Variants in SLC9A7 observed in about 807,000 individuals in gnomAD.
SLC9A7 encodes sodium/hydrogen exchanger 7.
In SLC9A7, 19 loss-of-function variants were observed where a neutral mutation model predicts 52.6. The observed-to-expected ratio is 0.36, with a 90% confidence interval of 0.25 to 0.53. The LOEUF (loss-of-function observed/expected upper bound fraction) is 0.53, where lower values mean the gene tolerates loss of function less well. Ranked by LOEUF, SLC9A7 falls within the 20% of genes least tolerant of loss-of-function variation. SLC9A7 has a pLI of 0.91. For synonymous variants in SLC9A7, 226 were observed against 252.1 expected (o/e 0.90, Z 0.98); for missense variants, 455 against 597.9 (o/e 0.76, Z 2.49).
intron 1 of SLC9A7, among the ~76,000 whole-genome samples, chrX:46,737,393 C>T (rs1298615205): frequency 8.9e-6 from 1 of 112,287 alleles, no homozygotes; most frequent in African/African-American, 3.2e-5. Flanking sequence ...TCAACAGTAT[C>T]TGTCCCAAGT....
At position 46,631,639 on chromosome X, in the gene SLC9A7, C is replaced by T. The variant is rs376310663; in HGVS notation, c.1687G>A (p.Asp563Asn). ...HHWQYFRVGV[D>N]PDQDPPPNND... ...TTGGGTGGTGGGTCTTGATCGGGGT[C>T]AACACCAACTCTGAAAGTCACCAGG... is the stretch of plus-strand genomic sequence containing the variant. The change falls in exon 14 of 17, where the codon GAC (aspartate) becomes AAC (asparagine). Residue 563 changes from aspartate (D) to asparagine (N), a missense_variant. Physicochemically the swap from Asp to Asn is conservative, Grantham distance 23 (BLOSUM62 1). This residue lies in a region of SLC9A7 where 146 missense variants were observed against 160.5 expected (regional missense o/e 0.91). Coordinates refer to ENST00000616978, the MANE Select transcript of SLC9A7 (RefSeq NM_001257291.2). 3 of 1,205,538 alleles carry T rather than the reference C, an allele frequency of 2.5e-6. No individual in the cohort carries two copies. The highest frequency in any genetic ancestry group is 3.4e-6 in the Non-Finnish European group (3 of 891,719).
chrX:46,607,113 T>C lies in SLC9A7; in HGVS notation c.2020A>G (p.Asn674Asp). 4.1e-6 allele frequency: 5 copies of C among 1,211,431 alleles called. No homozygotes were observed. Among genetic ancestry groups the C allele is most frequent in the Non-Finnish European group, 5.6e-6 (5 of 895,367 alleles). Residue 674 changes from asparagine (N) to aspartate (D), a missense_variant, in exon 17 of 17, where the codon AAT becomes GAT. Coordinates refer to ENST00000616978, the MANE Select transcript of SLC9A7 (RefSeq NM_001257291.2). ...GCGGTGTGCGAACTTGAGGAGCCAT[T>C]TGCAGTCACTGTGCTGTCCCCGTAG... is the stretch of plus-strand genomic sequence containing the variant. ...LTYGDSTVTA[N>D]GSSSSHTAST...
At chrX:46,660,322 T>G (rs944930278) in intron 7 of SLC9A7, among the ~76,000 whole-genome samples, 2 of 111,967 alleles carry the variant, frequency 1.8e-5, no homozygotes, top group African/African-American at 6.5e-5. Context: ...AAGTACTTCA[T>G]GTCTAAAACA....
Position 46,613,281 on chromosome X carries a change from GTACT to G in SLC9A7, c.1929+4_1929+7del. Reference sequence around the variant, plus strand: ...ACCAGGACTCCAACCCTGATGTGCAGTACTTACATCGTACACCTGGGGACTGGTC... The same window carrying G: ...ACCAGGACTCCAACCCTGATGTGCAGTACATCGTACACCTGGGGACTGGTC... On this transcript the variant is annotated splice_donor_5th_base_variant and intron_variant, in intron 16 of 16. Coordinates refer to ENST00000616978, the MANE Select transcript of SLC9A7 (RefSeq NM_001257291.2). The G allele has an allele frequency of 8.5e-7, 1 of 1,175,003 alleles. No homozygotes were observed. The highest frequency in any genetic ancestry group is 1.2e-6 in the Non-Finnish European group (1 of 868,857).
chrX:46,612,924 C>CAAAAAAAA (rs57833520), intron 16 of SLC9A7, among the ~76,000 whole-genome samples: 16 of 32,489 alleles, frequency 4.9e-4, no homozygotes, highest in Non-Finnish European at 7.2e-4. Context: ...GACTCCGTCT[C>CAAAAAAAA]AAAAAAAAAA....
At chrX:46,659,073 G>A (rs1335645137) in intron 7 of SLC9A7, among the ~76,000 whole-genome samples, 30 of 110,348 alleles carry the variant, frequency 2.7e-4, no homozygotes, top group Admixed American at 2.1e-3. Flanking sequence ...TTCAATATAC[G>A]CAAATCAATA....
chrX:46,725,095 T>C (rs1343322339), intron 1 of SLC9A7: 1 of 546,717 alleles, frequency 1.8e-6, no homozygotes, highest in African/African-American at 2.3e-5. Context: ...AAGATAAATA[T>C]TTCCTAGTCC....
chrX:46,624,769 AC>A (rs1943098016), intron 14 of SLC9A7, among the ~76,000 whole-genome samples: 2 of 112,538 alleles, frequency 1.8e-5, no homozygotes, highest in Non-Finnish European at 3.8e-5. Flanking sequence ...GTGGCTTTTT[AC>A]ACAAGGAATT....
chrX:46,618,172 C>T (rs1389719893), intron 15 of SLC9A7, among the ~76,000 whole-genome samples: 1 of 110,648 alleles, frequency 9.0e-6, no homozygotes, highest in Non-Finnish European at 1.9e-5. Context: ...TAGAGTGAAC[C>T]TGACAAAAAA....
intron 1 of SLC9A7, among the ~76,000 whole-genome samples, chrX:46,749,974 G>A (rs1922117163): frequency 9.1e-6 from 1 of 110,223 alleles, no homozygotes; most frequent in South Asian, 3.9e-4. Context: ...CCAGCTAGTC[G>A]GGAGGCTGAG....
At chrX:46,607,324 G>T in intron 16 of SLC9A7, 121 bp from the exon 17 acceptor site, 1 of 825,729 alleles carries the variant, frequency 1.2e-6, no homozygotes, top group Non-Finnish European at 1.7e-6. Flanking sequence ...AAACTTGCCT[G>T]CCTTGAGCCT....
chrX:46,676,973 T>C (rs1602218785), intron 3 of SLC9A7, among the ~76,000 whole-genome samples: 2 of 111,723 alleles, frequency 1.8e-5, no homozygotes, highest in South Asian at 7.5e-4. Context: ...CTGAGATTCA[T>C]CATCAGTAAA....
intron 15 of SLC9A7, among the ~76,000 whole-genome samples, chrX:46,617,541 G>A (rs1396245865): frequency 2.7e-5 from 3 of 111,882 alleles, no homozygotes; most frequent in African/African-American, 9.7e-5. Context: ...TCTGTGGCTT[G>A]AAGAAAAAAT....
chrX:46,615,093 A>C (rs1942922985), intron 15 of SLC9A7, among the ~76,000 whole-genome samples: 1 of 111,973 alleles, frequency 8.9e-6, no homozygotes, highest in Non-Finnish European at 1.9e-5. Flanking sequence ...GCCAGGCTGG[A>C]GTGCAGTGGT....
chrX:46,680,540 G>A (rs1174106024), intron 2 of SLC9A7, among the ~76,000 whole-genome samples: 1 of 111,065 alleles, frequency 9.0e-6, no homozygotes, highest in Non-Finnish European at 1.9e-5. Flanking sequence ...CTAAATCAAA[G>A]TCACCAGTGA....
intron 2 of SLC9A7, 40 bp from the exon 3 acceptor site, chrX:46,679,795 A>T: frequency 2.3e-6 from 2 of 875,693 alleles, no homozygotes; most frequent in Non-Finnish European, 3.3e-6. Context: ...TTTTTTATTT[A>T]ACTCCAATTC....
chrX:46,753,711 C>T (rs1448408718), intron 1 of SLC9A7, among the ~76,000 whole-genome samples: 1 of 111,609 alleles, frequency 9.0e-6, no homozygotes, highest in Non-Finnish European at 1.9e-5. Context: ...GGGCCGGGCA[C>T]GGTGGCTCAT....
chrX:46,758,515 G>A (rs901264906), intron 1 of SLC9A7, among the ~76,000 whole-genome samples, 190 bp downstream of exon 1: 1 of 112,023 alleles, frequency 8.9e-6, no homozygotes, highest in Non-Finnish European at 1.9e-5. Context: ...GAATAGGGGT[G>A]GAATTGTTTT....
chrX:46,679,928 T>C (rs1352219410), intron 2 of SLC9A7, among the ~76,000 whole-genome samples, 173 bp from the exon 3 acceptor site: 2 of 112,555 alleles, frequency 1.8e-5, no homozygotes, highest in African/African-American at 6.5e-5. Context: ...CCCCATGGAC[T>C]GGCATGCTCT....
Sources: gnomAD v4.1 joint callset for allele counts (sites outside exome capture counted in the v4.1 genomes callset) on GRCh38, gnomAD v4.1.1 for gene constraint, gnomAD v4.1.1 regional missense constraint, MANE v1.5 for transcripts, NCBI Gene and HGNC (gene_info 2026-07-23, HGNC 2026-07-21) for gene names.